Variants in CACNA1C observed in about 807,000 individuals in gnomAD.
CACNA1C encodes the protein calcium voltage-gated channel subunit alpha1 C.
Under a neutral mutation model 229.0 loss-of-function variants are expected in CACNA1C, and 30 were observed. The ratio of observed to expected loss-of-function variants is 0.13; its 90% CI spans 0.10 to 0.18. The LOEUF is 0.18. Ranked by LOEUF, CACNA1C falls within the 10% of genes least tolerant of loss-of-function variation. The pLI is 1.00. For synonymous variants in CACNA1C, 1,114 were observed against 1,132.5 expected (o/e 0.98, Z 0.33); for missense variants, 1,658 against 2,845.0 (o/e 0.58, Z 9.49).
intron 5 of CACNA1C, among the ~76,000 whole-genome samples, chr12:2,474,515 G>C (rs1020136109): frequency 6.6e-6 from 1 of 152,090 alleles, no homozygotes; most frequent in African/African-American, 2.4e-5. Context: ...AGCACTTTGG[G>C]AGGCCGAGGC....
intron 1 of CACNA1C, among the ~76,000 whole-genome samples, chr12:2,109,534 G>A (rs2080787405): frequency 6.6e-6 from 1 of 152,230 alleles, no homozygotes; most frequent in Non-Finnish European, 1.5e-5. Flanking sequence ...CCAGAGGGGA[G>A]TGAGGTGAAC....
At chr12:2,198,113 G>A (rs187488755) in intron 3 of CACNA1C, among the ~76,000 whole-genome samples, 182 of 152,350 alleles carry the variant, frequency 1.2e-3, no homozygotes, top group Non-Finnish European at 2.4e-3. Flanking sequence ...CACCCGCCCT[G>A]GCTGGGAGTC....
chr12:2,069,117 G>A (rs1268150201), intron 1 of CACNA1C, among the ~76,000 whole-genome samples: 2 of 152,216 alleles, frequency 1.3e-5, no homozygotes, highest in East Asian at 1.9e-4. Flanking sequence ...GGAAGCCATG[G>A]AATGGGCTGG....
Position 2,467,223 on chromosome 12 carries a change from G to C in CACNA1C, c.757+9517G>C, listed in dbSNP as rs1266681438. ...AGGAAGTACTCAAACCTTGTCCGCT[G>C]TATGTGTCTCATGGCACTGTTCCTG... On this transcript the variant is annotated intron_variant, in intron 5 of 46. Coordinates refer to ENST00000399655, the MANE Select transcript of CACNA1C (RefSeq NM_000719.7). The surrounding 1 kb of genome is among the most constrained non-coding windows in gnomAD (Gnocchi z 4.6). Among the ~76,000 whole-genome samples the C allele has an allele frequency of 6.6e-6, 1 of 152,134 alleles. No homozygotes were observed. Among genetic ancestry groups the C allele is most frequent in the Non-Finnish European group, 1.5e-5 (1 of 68,028 alleles).
At chr12:2,581,830 G>A (rs747381364) in intron 14 of CACNA1C, 33 bp downstream of exon 14, 9 of 1,421,370 alleles carry the variant, frequency 6.3e-6, no homozygotes, top group Admixed American at 3.4e-5. Context: ...ATTCGGACTC[G>A]GGGTGGTTGA....
intron 3 of CACNA1C, among the ~76,000 whole-genome samples, chr12:2,128,437 G>C (rs1475192411): frequency 6.6e-6 from 1 of 152,178 alleles, no homozygotes; most frequent in African/African-American, 2.4e-5. Flanking sequence ...TTGAGACAGA[G>C]TCTCTCTCTG....
intron 11 of CACNA1C, among the ~76,000 whole-genome samples, chr12:2,564,149 C>T (rs773723081): frequency 6.6e-6 from 1 of 152,234 alleles, no homozygotes; most frequent in Admixed American, 6.5e-5. Context: ...CACAGACACA[C>T]ACACACCGGA....
At chr12:2,081,176 C>T (rs2065436023) in intron 1 of CACNA1C, among the ~76,000 whole-genome samples, 3 of 152,196 alleles carry the variant, frequency 2.0e-5, no homozygotes, top group African/African-American at 4.8e-5. Flanking sequence ...TCAACCACAA[C>T]AGACGCCAGA....
chr12:2,176,901 G>A (rs2096662153), intron 3 of CACNA1C, among the ~76,000 whole-genome samples: 1 of 152,150 alleles, frequency 6.6e-6, no homozygotes, highest in Admixed American at 6.5e-5. Flanking sequence ...ATTGGCATTG[G>A]CTAGCAAGGC....
At chr12:2,351,786 T>C (rs865784933) in intron 3 of CACNA1C, among the ~76,000 whole-genome samples, 12 of 152,080 alleles carry the variant, frequency 7.9e-5, no homozygotes, top group Middle Eastern at 3.2e-3. Flanking sequence ...TGCAGGTGCT[T>C]CCTTGGGCTG....
At chr12:2,318,087 G>A (rs946487649) in intron 3 of CACNA1C, among the ~76,000 whole-genome samples, 8 of 152,300 alleles carry the variant, frequency 5.3e-5, no homozygotes, top group African/African-American at 1.9e-4. Flanking sequence ...GTGGTGCTGC[G>A]GATGGCTTGG....
chr12:2,367,714 TAAAA>T (rs1242024172), intron 3 of CACNA1C, among the ~76,000 whole-genome samples: 1 of 151,804 alleles, frequency 6.6e-6, no homozygotes, highest in African/African-American at 2.4e-5. Flanking sequence ...AATTTAGAAA[TAAAA>T]AAGAGCAAAA....
At position 2,348,252 on chromosome 12, in the gene CACNA1C, G is replaced by A. The variant is rs1299448131; in HGVS notation, c.478-100724G>A. Among the ~76,000 whole-genome samples the A allele has an allele frequency of 6.6e-6, 1 of 152,210 alleles. No homozygotes were observed. Among genetic ancestry groups the A allele is most frequent in the Non-Finnish European group, 1.5e-5 (1 of 68,028 alleles). ...TGAGGCCTTCTGCTCACCGGAAGGG[G>A]GGCAGGTCTGCAGCCCCTCCCCCAC... On this transcript the variant is annotated intron_variant, in intron 3 of 46. Transcript: ENST00000399655. The surrounding 1 kb of genome is among the most constrained non-coding windows in gnomAD (Gnocchi z 4.7).
chr12:2,683,088 C>G (rs1179789277), intron 43 of CACNA1C, among the ~76,000 whole-genome samples: 2 of 152,110 alleles, frequency 1.3e-5, no homozygotes, highest in Non-Finnish European at 2.9e-5. Flanking sequence ...TATAATGAAG[C>G]TGCCCAGAAG....
intron 3 of CACNA1C, among the ~76,000 whole-genome samples, chr12:2,350,794 C>T (rs1593679938): frequency 2.6e-5 from 4 of 152,220 alleles, no homozygotes; most frequent in Admixed American, 2.0e-4. Context: ...CTCCCCATGT[C>T]GCAGGACACC....
At chr12:2,474,403 G>T (rs2099610315) in intron 5 of CACNA1C, among the ~76,000 whole-genome samples, 1 of 152,150 alleles carries the variant, frequency 6.6e-6, no homozygotes, top group South Asian at 2.1e-4. Context: ...TCTGGTTCTG[G>T]GAGTGAGTGT....
In CACNA1C at chr12:2,493,955, T is replaced by C. The variant is rs2099741492; in HGVS notation, c.1113+569T>C. Among the ~76,000 whole-genome samples the C allele has an allele frequency of 6.6e-6, 1 of 152,244 alleles. No homozygotes were observed. The highest frequency in any genetic ancestry group is 1.5e-5 in the Non-Finnish European group (1 of 68,046). Reference sequence around the variant, plus strand: ...ATCAGACAAATGCATTGGCAGCATTTTTACTATTCCCCAAACATGCTGCTG... The same window carrying C: ...ATCAGACAAATGCATTGGCAGCATTCTTACTATTCCCCAAACATGCTGCTG... On this transcript the variant is annotated intron_variant, in intron 7 of 46. Coordinates refer to ENST00000399655, the MANE Select transcript of CACNA1C (RefSeq NM_000719.7). This position sits in a 1 kb window ranked among gnomAD's most constrained non-coding sequence, Gnocchi z 4.6.
chr12:2,494,671 G>A (rs1336649282), intron 7 of CACNA1C, among the ~76,000 whole-genome samples: 1 of 152,222 alleles, frequency 6.6e-6, no homozygotes, highest in Non-Finnish European at 1.5e-5. Context: ...TTCCTGAATC[G>A]GAAGGAAGAG....
intron 9 of CACNA1C, chr12:2,547,353 G>T: frequency 1.4e-6 from 1 of 704,964 alleles, no homozygotes. Flanking sequence ...TGTGAAAGCT[G>T]AGTTCCTTGT....
Sources: gnomAD v4.1 joint callset for allele counts (sites outside exome capture counted in the v4.1 genomes callset) on GRCh38, gnomAD v4.1.1 for gene constraint, Gnocchi (gnomAD v3.1) non-coding constraint, MANE v1.5 for transcripts, NCBI Gene and HGNC (gene_info 2026-07-23, HGNC 2026-07-21) for gene names.